The following LSAMP variants were observed in gnomAD, a reference collection of about 807,000 sequenced individuals.
The protein encoded by LSAMP is limbic system-associated membrane protein.
In LSAMP, 7 loss-of-function variants were observed where a neutral mutation model predicts 38.6. That is an observed-to-expected ratio of 0.18 (90% CI 0.10 to 0.34). The LOEUF is 0.34. Among genes scored for constraint, LSAMP ranks in the 10% least tolerant of loss-of-function variants. LSAMP has a pLI of 1.00. For missense variants in LSAMP, 313 were observed against 420.0 expected (o/e 0.75, Z 2.23); for synonymous variants, 154 against 166.8 (o/e 0.92, Z 0.59).
chr3:115,953,401 GCGTACACA>G (rs1938353672), intron 3 of LSAMP, among the ~76,000 whole-genome samples: 2 of 65,574 alleles, frequency 3.0e-5, no homozygotes, highest in South Asian at 6.0e-4. Context: ...AATGTAGTGT[GCGTACACA>G]CACACACACA....
chr3:116,089,786 A>G (rs186073989), intron 1 of LSAMP, among the ~76,000 whole-genome samples: 2 of 152,098 alleles, frequency 1.3e-5, no homozygotes, highest in African/African-American at 2.4e-5. Flanking sequence ...ATATATCTCA[A>G]TGGAAAAAAA....
At chr3:116,323,945 T>C (rs2047738693) in intron 1 of LSAMP, among the ~76,000 whole-genome samples, 1 of 152,170 alleles carries the variant, frequency 6.6e-6, no homozygotes, top group African/African-American at 2.4e-5. Flanking sequence ...CAAAAAATGA[T>C]TCAATGCCTT....
At chr3:116,388,739 G>A (rs1382173176) in intron 1 of LSAMP, among the ~76,000 whole-genome samples, 3 of 152,256 alleles carry the variant, frequency 2.0e-5, no homozygotes, top group African/African-American at 7.2e-5. Context: ...TAATGCCAAA[G>A]TAATCTGGCA....
At chr3:115,820,229 A>G (rs1934186045) in intron 6 of LSAMP, among the ~76,000 whole-genome samples, 1 of 152,222 alleles carries the variant, frequency 6.6e-6, no homozygotes, top group African/African-American at 2.4e-5. Flanking sequence ...CACCGTGCTT[A>G]GAACACAACC....
chr3:116,130,673 T>C lies in LSAMP; in HGVS notation c.156-44117A>G, dbSNP rs531986431. On this transcript the variant is annotated intron_variant, in intron 1 of 6. Coordinates refer to ENST00000490035, the MANE Select transcript of LSAMP (RefSeq NM_002338.5). ...TATTCTTACTTTTTAATTCTCACTCTCCCTATTTTTAAGTATTTTGTAAAT... is the reference window on the plus strand; with the variant it reads ...TATTCTTACTTTTTAATTCTCACTCCCCCTATTTTTAAGTATTTTGTAAAT... Among the ~76,000 whole-genome samples the C allele has an allele frequency of 1.8e-4, 27 of 152,270 alleles. 1 individual carries two copies. The South Asian group carries it at 5.2e-3, about 29-fold the overall frequency.
intron 1 of LSAMP, among the ~76,000 whole-genome samples, chr3:116,092,746 A>C (rs181216760): frequency 6.6e-6 from 1 of 152,214 alleles, no homozygotes; most frequent in Non-Finnish European, 1.5e-5. Context: ...CTGCTTAAAA[A>C]ATGAATATAA....
At chr3:116,284,493 C>A (rs987601630) in intron 1 of LSAMP, among the ~76,000 whole-genome samples, 3 of 152,148 alleles carry the variant, frequency 2.0e-5, no homozygotes, top group Non-Finnish European at 1.5e-5. Context: ...TAACAATTAA[C>A]AATAAATTTC....
intron 1 of LSAMP, among the ~76,000 whole-genome samples, chr3:116,218,429 G>T (rs2046245694): frequency 6.6e-6 from 1 of 152,068 alleles, no homozygotes; most frequent in African/African-American, 2.4e-5. Flanking sequence ...TCACAAATTT[G>T]CTGTGTAACT....
chr3:115,969,358 T>C (rs1335263482), intron 3 of LSAMP, among the ~76,000 whole-genome samples: 1 of 152,162 alleles, frequency 6.6e-6, no homozygotes, highest in African/African-American at 2.4e-5. Context: ...CAGAGTAGCA[T>C]TTAGAGTTTG....
chr3:116,010,182 G>C (rs1940285889), intron 3 of LSAMP, among the ~76,000 whole-genome samples: 1 of 152,178 alleles, frequency 6.6e-6, no homozygotes, highest in Non-Finnish European at 1.5e-5. Flanking sequence ...CTCCCAAAGT[G>C]CTGGGATTAC....
intron 1 of LSAMP, among the ~76,000 whole-genome samples, chr3:116,251,023 C>A (rs1191422471): frequency 6.6e-6 from 1 of 152,200 alleles, no homozygotes; most frequent in African/African-American, 2.4e-5. Flanking sequence ...ACTGAAGGGA[C>A]AGAAGGTTAA....
intron 3 of LSAMP, among the ~76,000 whole-genome samples, chr3:115,953,253 T>G (rs1013797152): frequency 6.6e-6 from 1 of 152,164 alleles, no homozygotes; most frequent in African/African-American, 2.4e-5. Context: ...TTTGATTATT[T>G]AGGTGATTTT....
intron 1 of LSAMP, among the ~76,000 whole-genome samples, chr3:116,221,844 A>AGTGT (rs58596077): frequency 0.14 from 20,046 of 145,038 alleles, 1,766 homozygotes; most frequent in African/African-American, 0.26. Flanking sequence ...CCTAAAAAGA[A>AGTGT]GTGTGTGTGT....
chr3:116,191,678 T>C (rs1162795266), intron 1 of LSAMP, among the ~76,000 whole-genome samples: 2 of 151,756 alleles, frequency 1.3e-5, no homozygotes. Flanking sequence ...CTGTCTTGAA[T>C]CAGGTTTTTG....
At chr3:116,015,929 G>A (rs1000691673) in intron 3 of LSAMP, among the ~76,000 whole-genome samples, 1 of 152,084 alleles carries the variant, frequency 6.6e-6, no homozygotes, top group Non-Finnish European at 1.5e-5. Flanking sequence ...CTGTGGGGTC[G>A]AGTTAATTAC....
At chr3:116,195,721 A>AAG (rs3071112) in intron 1 of LSAMP, among the ~76,000 whole-genome samples, 28,563 of 150,576 alleles carry the variant, frequency 0.19, 2,799 homozygotes, top group Admixed American at 0.24. Flanking sequence ...AAAAAATGAA[A>AAG]AAAAAAAAAC....
intron 3 of LSAMP, among the ~76,000 whole-genome samples, chr3:115,882,417 T>C (rs1936345811): frequency 6.6e-6 from 1 of 152,106 alleles, no homozygotes; most frequent in Non-Finnish European, 1.5e-5. Flanking sequence ...TCCTTCTGAA[T>C]TTTTCCAGAT....
intron 3 of LSAMP, among the ~76,000 whole-genome samples, chr3:115,870,380 C>T (rs1229156415): frequency 1.3e-5 from 2 of 152,096 alleles, no homozygotes; most frequent in African/African-American, 2.4e-5. Context: ...TCAGAAGTAA[C>T]ATTCTATGAC....
intron 3 of LSAMP, among the ~76,000 whole-genome samples, chr3:115,919,193 C>A (rs1937326707): frequency 1.3e-5 from 2 of 152,168 alleles, no homozygotes. Context: ...AATTTAGCTT[C>A]CTGAATCTAG....
Sources: gnomAD v4.1 joint callset for allele counts (sites outside exome capture counted in the v4.1 genomes callset) on GRCh38, gnomAD v4.1.1 for gene constraint, MANE v1.5 for transcripts, NCBI Gene and HGNC (gene_info 2026-07-23, HGNC 2026-07-21) for gene names.